The following SCUBE1 variants were observed in gnomAD, a reference collection of about 807,000 sequenced individuals.
The protein encoded by SCUBE1 is signal peptide, CUB and EGF-like domain-containing protein 1.
SCUBE1 carries 59 observed loss-of-function variants against 124.4 expected under a neutral mutation model. The ratio of observed to expected loss-of-function variants is 0.47; its 90% CI spans 0.38 to 0.59. The LOEUF (loss-of-function observed/expected upper bound fraction) is 0.59, where lower values mean the gene tolerates loss of function less well. SCUBE1 is among the 20% of genes least tolerant of loss of function. The probability of loss-of-function intolerance (pLI) is 0.00; values close to 1 mark genes in which losing one functional copy is unlikely to be tolerated. For missense variants in SCUBE1, 1,150 were observed against 1,371.2 expected (o/e 0.84, Z 2.55); for synonymous variants, 545 against 550.9 (o/e 0.99, Z 0.15).
chr22:43,312,987 C>T (rs1039624216), intron 3 of SCUBE1, among the ~76,000 whole-genome samples: 2 of 152,210 alleles, frequency 1.3e-5, no homozygotes, highest in African/African-American at 4.8e-5. Context: ...CCTAGCTCTA[C>T]CACCTACTGT....
At chr22:43,226,853 G>A (rs1922338546) in intron 10 of SCUBE1, among the ~76,000 whole-genome samples, 1 of 152,114 alleles carries the variant, frequency 6.6e-6, no homozygotes, top group Non-Finnish European at 1.5e-5. Flanking sequence ...GGCACCCAGT[G>A]CTGCGAGCAT....
In SCUBE1 at chr22:43,234,801, G is replaced by A. The variant is rs935629731; in HGVS notation, c.845-2926C>T. Among the ~76,000 whole-genome samples, 1 of 152,166 alleles carries A rather than the reference G, an allele frequency of 6.6e-6. No individual in the cohort carries two copies. Among genetic ancestry groups the A allele is most frequent in the African/African-American group, 2.4e-5 (1 of 41,446 alleles). ...CTGAGGCTCCTGAGTCTGCTAGGAT[G>A]TGGGCCCTCCCTCTGCAGAGGCTCC... On this transcript the variant is annotated intron_variant, in intron 7 of 21. Coordinates refer to ENST00000360835, the MANE Select transcript of SCUBE1 (RefSeq NM_173050.5). The surrounding 1 kb of genome is among the most constrained non-coding windows in gnomAD (Gnocchi z 4.4).
chr22:43,317,877 G>A (rs1482501508), intron 3 of SCUBE1, among the ~76,000 whole-genome samples: 3 of 152,112 alleles, frequency 2.0e-5, no homozygotes, highest in East Asian at 1.9e-4. Flanking sequence ...CAACACGACT[G>A]GTGTCCTCAT....
At chr22:43,230,982 C>T (rs1922528227) in intron 8 of SCUBE1, among the ~76,000 whole-genome samples, 1 of 152,214 alleles carries the variant, frequency 6.6e-6, no homozygotes, top group Admixed American at 6.5e-5. Context: ...CAGAGCACAG[C>T]TGGATAATCG....
chr22:43,220,425 G>A, intron 14 of SCUBE1, 25 bp downstream of exon 14: 1 of 1,609,064 alleles, frequency 6.2e-7, no homozygotes, highest in Non-Finnish European at 8.5e-7. Context: ...GCCTGCAGAA[G>A]CCCCCAGGAG....
intron 3 of SCUBE1, among the ~76,000 whole-genome samples, chr22:43,301,643 T>C (rs1925776134): frequency 6.6e-6 from 1 of 152,136 alleles, no homozygotes; most frequent in Non-Finnish European, 1.5e-5. Flanking sequence ...GTCCCTCCCC[T>C]GCTTCCTTCA....
intron 7 of SCUBE1, among the ~76,000 whole-genome samples, chr22:43,232,713 C>T (rs867666609): frequency 1.3e-5 from 2 of 152,356 alleles, no homozygotes; most frequent in African/African-American, 4.8e-5. Context: ...TCTGCTTGCA[C>T]ACCTCCAGGG....
intron 6 of SCUBE1, among the ~76,000 whole-genome samples, chr22:43,254,282 T>C (rs532106922): frequency 6.6e-6 from 1 of 152,202 alleles, no homozygotes; most frequent in Non-Finnish European, 1.5e-5. Flanking sequence ...CTTAGGGTCA[T>C]AGAGCACCGT....
intron 3 of SCUBE1, among the ~76,000 whole-genome samples, chr22:43,311,057 G>A (rs903603874): frequency 2.6e-5 from 4 of 152,216 alleles, no homozygotes; most frequent in African/African-American, 9.6e-5. Flanking sequence ...GGGATTATAG[G>A]TGTGAGCCAC....
At position 43,253,658 on chromosome 22, in the gene SCUBE1, G is replaced by A. The variant is rs5751453; in HGVS notation, c.727+4561C>T. Among the ~76,000 whole-genome samples, 303 of 152,248 alleles carry A rather than the reference G, an allele frequency of 2.0e-3. 7 individuals carry two copies. The East Asian group carries it at 0.051, about 26-fold the overall frequency. ...ACCTCCTGACCCCACTCCGGGGTCT[G>A]GTTCTGGGCCTTTATCCACTGACTC... On this transcript the variant is annotated intron_variant, in intron 6 of 21. Coordinates refer to ENST00000360835, the MANE Select transcript of SCUBE1 (RefSeq NM_173050.5).
At chr22:43,259,167 G>C (rs1487350557) in intron 5 of SCUBE1, among the ~76,000 whole-genome samples, 1 of 152,170 alleles carries the variant, frequency 6.6e-6, no homozygotes, top group Non-Finnish European at 1.5e-5. Context: ...CCATTTCCAG[G>C]GTGAGAGAGA....
intron 14 of SCUBE1, among the ~76,000 whole-genome samples, chr22:43,220,160 C>T (rs1922028661): frequency 6.6e-6 from 1 of 152,212 alleles, no homozygotes; most frequent in Non-Finnish European, 1.5e-5. Flanking sequence ...TCCCGGGTCC[C>T]AGCAGGAGTG....
intron 3 of SCUBE1, among the ~76,000 whole-genome samples, chr22:43,313,767 G>A (rs955332553): frequency 6.6e-6 from 1 of 152,206 alleles, no homozygotes; most frequent in African/African-American, 2.4e-5. Flanking sequence ...ACAGTCACAG[G>A]CAGGCCATCT....
intron 21 of SCUBE1, among the ~76,000 whole-genome samples, chr22:43,204,779 T>C (rs1175429601): frequency 1.3e-5 from 2 of 151,406 alleles, no homozygotes; most frequent in African/African-American, 2.4e-5. Flanking sequence ...ACCCCATCTC[T>C]ACTAAAAATA....
chr22:43,323,511 C>T (rs1005684275), intron 2 of SCUBE1, among the ~76,000 whole-genome samples: 27 of 152,094 alleles, frequency 1.8e-4, no homozygotes, highest in African/African-American at 6.0e-4. Context: ...CATCCAGACA[C>T]GCATGCATGC....
chr22:43,242,001 C>T (rs139235613), intron 6 of SCUBE1, among the ~76,000 whole-genome samples: 11 of 152,364 alleles, frequency 7.2e-5, no homozygotes, highest in African/African-American at 2.2e-4. Context: ...CCCTCCTCTA[C>T]AGCACAGGGA....
At chr22:43,233,064 TA>T (rs1409303637) in intron 7 of SCUBE1, among the ~76,000 whole-genome samples, 1 of 152,116 alleles carries the variant, frequency 6.6e-6, no homozygotes, top group Non-Finnish European at 1.5e-5. Context: ...CAGGGTGGCT[TA>T]AAAAAATAAT....
At chr22:43,207,935 G>T in intron 20 of SCUBE1, 137 bp downstream of exon 20, 1 of 1,015,168 alleles carries the variant, frequency 9.9e-7, no homozygotes, top group Non-Finnish European at 1.5e-6. Context: ...TCTGGCCCCT[G>T]ACAGTGTTCG....
chr22:43,203,360 GTATATATATATATTTATATATATATTTA>G lies in SCUBE1; in HGVS notation c.*609_*636del, dbSNP rs1224227854. ...TTTCCTAAAGTACCCACAAATAGAA[GTATATATATATATTTATATATATATTTA>G]TATATATATATAGAGTACTTCATTA... On this transcript the variant is annotated 3_prime_UTR_variant, in exon 22 of 22. Transcript: ENST00000360835. The G allele has an allele frequency of 1.4e-5, 2 of 146,766 alleles. No individual in the cohort carries two copies. Among genetic ancestry groups the G allele is most frequent in the African/African-American group, 5.0e-5 (2 of 40,332 alleles). 9.1% of individuals were successfully genotyped at this position (146,766 alleles called of 1,614,324 possible).
Sources: gnomAD v4.1 joint callset for allele counts (sites outside exome capture counted in the v4.1 genomes callset) on GRCh38, gnomAD v4.1.1 for gene constraint, Gnocchi (gnomAD v3.1) non-coding constraint, MANE v1.5 for transcripts, NCBI Gene and HGNC (gene_info 2026-07-23, HGNC 2026-07-21) for gene names.